Variants in ABCC1 observed in about 807,000 individuals in gnomAD.
The protein encoded by ABCC1 is ATP binding cassette subfamily C member 1 (ABCC1 blood group).
In ABCC1, 83 loss-of-function variants were observed where a neutral mutation model predicts 172.9. The observed-to-expected ratio is 0.48, with a 90% CI of 0.40 to 0.58. ABCC1 has a LOEUF of 0.58. ABCC1 is among the 20% of genes least tolerant of loss of function. The pLI is 0.00. For missense variants in ABCC1, 1,817 were observed against 2,002.7 expected (o/e 0.91, Z 1.77); for synonymous variants, 937 against 825.2 (o/e 1.14, Z -2.32).
intron 12 of ABCC1, among the ~76,000 whole-genome samples, chr16:16,067,230 G>A (rs987195437): frequency 3.9e-5 from 6 of 152,202 alleles, no homozygotes; most frequent in South Asian, 2.1e-4. Flanking sequence ...GGGATCATGC[G>A]TCCCTGTCGT....
intron 2 of ABCC1, 95 bp from the exon 3 acceptor site, chr16:16,009,681 T>C: frequency 7.6e-7 from 1 of 1,320,244 alleles, no homozygotes; most frequent in Non-Finnish European, 1.0e-6. Context: ...GAAGGCTGGC[T>C]GGTTCTCCTA....
At chr16:15,960,595 T>C (rs890837200) in intron 1 of ABCC1, among the ~76,000 whole-genome samples, 1 of 152,086 alleles carries the variant, frequency 6.6e-6, no homozygotes, top group Admixed American at 6.6e-5. Context: ...CTGCAAAGAC[T>C]TGAACCGGGA....
intron 14 of ABCC1, among the ~76,000 whole-genome samples, chr16:16,075,912 G>C (rs142205518): frequency 2.6e-5 from 4 of 152,268 alleles, no homozygotes; most frequent in African/African-American, 9.6e-5. Context: ...AGAGAGGTTT[G>C]CATGTGGACG....
intron 1 of ABCC1, among the ~76,000 whole-genome samples, chr16:15,971,367 T>C (rs1329720525): frequency 6.6e-6 from 1 of 152,214 alleles, no homozygotes; most frequent in Admixed American, 6.5e-5. Context: ...GCTGTGGGAA[T>C]CGCCATGTTT....
At chr16:16,073,479 C>T (rs770681623) in intron 14 of ABCC1, among the ~76,000 whole-genome samples, 3 of 152,182 alleles carry the variant, frequency 2.0e-5, no homozygotes, top group Non-Finnish European at 4.4e-5. Context: ...AAGTGAGGCA[C>T]AGGCTGGGTG....
intron 14 of ABCC1, among the ~76,000 whole-genome samples, chr16:16,073,592 G>C (rs145919876): frequency 5.9e-5 from 9 of 152,220 alleles, no homozygotes; most frequent in African/African-American, 9.6e-5. Flanking sequence ...GTGAGACCTC[G>C]TCTCTACAAA....
rs1270406309 is a variant in ABCC1, at chr16:16,048,064, C to T, written c.1219-78C>T. ...ATTTCTGCCCCTGAGAGTCTCCTTC[C>T]TCTCCGTGGGTCTGGAGGGAGAGTC... On this transcript the variant is annotated intron_variant, in intron 9 of 30. Transcript: ENST00000399410. 3 of 1,528,156 alleles carry T rather than the reference C, an allele frequency of 2.0e-6. No individual in the cohort carries two copies. The African/African-American group carries it at 4.1e-5, about 21-fold the overall frequency. 94.7% of individuals were successfully genotyped at this position (1,528,156 alleles called of 1,614,324 possible). A position where few individuals can be genotyped will look rare whatever the true frequency, so the allele number is the denominator to read the frequency against.
chr16:16,086,844 C>A lies in ABCC1; in HGVS notation c.2313C>A (p.Gly771=). 1.2e-6 allele frequency: 2 copies of A among 1,613,982 alleles called. No individual in the cohort carries two copies. Among genetic ancestry groups the A allele is most frequent in the African/African-American group, 2.7e-5 (2 of 75,048 alleles). ...IGEKGVNLSG[G]QKQRVSLARA... Reference sequence around the variant, plus strand: ...CCCAGGGCGTGAACCTGTCTGGGGGCCAGAAGCAGCGCGTGAGCCTGGCCC... The same window carrying A: ...CCCAGGGCGTGAACCTGTCTGGGGGACAGAAGCAGCGCGTGAGCCTGGCCC... Residue 771 remains glycine, a synonymous_variant, in exon 18 of 31, where the codon GGC becomes GGA. Coordinates refer to ENST00000399410, the MANE Select transcript of ABCC1 (RefSeq NM_004996.4).
At chr16:16,066,002 A>G (rs983949160) in intron 12 of ABCC1, among the ~76,000 whole-genome samples, 8 of 152,088 alleles carry the variant, frequency 5.3e-5, no homozygotes, top group Admixed American at 2.6e-4. Flanking sequence ...GATAATGACA[A>G]TCACCACTAA....
chr16:16,099,167 C>T (rs1021074008), intron 19 of ABCC1, among the ~76,000 whole-genome samples: 2 of 152,204 alleles, frequency 1.3e-5, no homozygotes, highest in East Asian at 3.8e-4. Flanking sequence ...TCATGCATCA[C>T]GTTACCGTGA....
At chr16:16,100,563 G>C (rs1051652807) in intron 19 of ABCC1, among the ~76,000 whole-genome samples, 1 of 152,166 alleles carries the variant, frequency 6.6e-6, no homozygotes, top group Non-Finnish European at 1.5e-5. Context: ...TTTGTGTTTT[G>C]TTTGTTTTTT....
chr16:16,023,973 C>G (rs1191689417), intron 5 of ABCC1, among the ~76,000 whole-genome samples: 1 of 151,968 alleles, frequency 6.6e-6, no homozygotes, highest in Admixed American at 6.6e-5. Flanking sequence ...AATCCCAGCA[C>G]TTTGGGAGGC....
At chr16:16,026,658 G>A (rs2048385648) in intron 5 of ABCC1, among the ~76,000 whole-genome samples, 3 of 151,696 alleles carry the variant, frequency 2.0e-5, no homozygotes, top group Admixed American at 2.0e-4. Context: ...GGTCATGCCT[G>A]TAATCCCAGC....
chr16:16,118,884 A>T (rs1004502633), intron 23 of ABCC1, among the ~76,000 whole-genome samples: 75 of 35,886 alleles, frequency 2.1e-3, no homozygotes, highest in East Asian at 0.01. Context: ...AGTGTATATT[A>T]AAAAAAAAAA....
intron 1 of ABCC1, among the ~76,000 whole-genome samples, chr16:15,968,196 G>C (rs898051687): frequency 2.6e-5 from 4 of 151,758 alleles, no homozygotes; most frequent in Non-Finnish European, 5.9e-5. Flanking sequence ...CACCATGCCC[G>C]GCTAATTTTT....
In ABCC1 at chr16:16,103,941, TGTTCGGAGTTTCTTCCTTCTGGTGG is replaced by T. The variant is rs577185975; in HGVS notation, c.2735+1230_2735+1254del. ...GTTTGTTCCTTCTGCTGTTCGGATGTGTTCGGAGTTTCTTCCTTCTGGTGGGTTCGTGGTCTCGCTGGCCTCAGGA... is the reference window on the plus strand; with the variant it reads ...GTTTGTTCCTTCTGCTGTTCGGATGTGTTCGTGGTCTCGCTGGCCTCAGGA... On this transcript the variant is annotated intron_variant, in intron 20 of 30. Transcript: ENST00000399410. 5.9e-5 allele frequency among the ~76,000 whole-genome samples: 9 copies of T among 152,248 alleles called. No homozygotes were observed. In the East Asian group the frequency reaches 1.5e-3, roughly 26 times the overall value.
intron 1 of ABCC1, among the ~76,000 whole-genome samples, chr16:15,957,955 A>G (rs2046036848): frequency 6.6e-6 from 1 of 152,158 alleles, no homozygotes; most frequent in Non-Finnish European, 1.5e-5. Flanking sequence ...CCCTTGAAAA[A>G]TCAGAAGTTC....
chr16:15,949,670 G>A lies in ABCC1; in HGVS notation c.-82G>A, dbSNP rs2045816454. 8.0e-6 allele frequency: 7 copies of A among 876,186 alleles called. No individual in the cohort carries two copies. Among genetic ancestry groups the A allele is most frequent in the Non-Finnish European group, 9.5e-6 (7 of 735,620 alleles). The allele number at this position is 876,186 out of a possible 1,614,324, so 54.3% of individuals were successfully genotyped here. On this transcript the variant is annotated 5_prime_UTR_variant, in exon 1 of 31. Transcript: ENST00000399410. The stretch of plus-strand genomic sequence containing the variant: ...CAGCAGCCGGGCCCGATCACCCGCC[G>A]CCCGGTGCCCGCCGCCGCCCGCGCC...
Position 16,106,824 on chromosome 16 carries a change from A to C in ABCC1, c.2822A>C (p.Lys941Thr). 1 of 1,614,186 alleles carries C rather than the reference A, an allele frequency of 6.2e-7. No individual in the cohort carries two copies. The highest frequency in any genetic ancestry group is 8.5e-7 in the Non-Finnish European group (1 of 1,180,038). ...GAACTGCAGAAAGCTGAGGCCAAGAAGGAGGAGACCTGGAAGCTGATGGAG... is the reference window on the plus strand; with the variant it reads ...GAACTGCAGAAAGCTGAGGCCAAGACGGAGGAGACCTGGAAGCTGATGGAG... ...TAELQKAEAK[K>T]EETWKLMEAD... Residue 941 changes from lysine to threonine, a missense_variant, in exon 21 of 31, where the codon AAG becomes ACG. Transcript: ENST00000399410.
Sources: allele counts gnomAD v4.1 joint callset (sites outside exome capture counted in the v4.1 genomes callset), GRCh38; gene constraint gnomAD v4.1.1; transcripts MANE v1.5; gene names NCBI Gene and HGNC (gene_info 2026-07-23, HGNC 2026-07-21).